Variants in ERC2 observed in about 807,000 individuals in gnomAD.
ERC2 encodes the protein ELKS/RAB6-interacting/CAST family member 2.
Under a neutral mutation model 114.8 loss-of-function variants are expected in ERC2, and 42 were observed. The observed-to-expected ratio is 0.37, with a 90% confidence interval of 0.29 to 0.47. ERC2 has a LOEUF of 0.47. Among genes scored for constraint, ERC2 ranks in the 20% least tolerant of loss-of-function variants. ERC2 has a pLI of 0.99. For missense variants in ERC2, 939 were observed against 1,150.7 expected (o/e 0.82, Z 2.66); for synonymous variants, 454 against 425.5 (o/e 1.07, Z -0.82).
chr3:56,392,219 A>G (rs1419752861), intron 2 of ERC2, among the ~76,000 whole-genome samples: 1 of 152,230 alleles, frequency 6.6e-6, no homozygotes, highest in African/African-American at 2.4e-5. Flanking sequence ...TTGTACGTGA[A>G]TGCTCATATA....
At chr3:55,743,406 T>C (rs868811771) in intron 14 of ERC2, among the ~76,000 whole-genome samples, 13 of 152,148 alleles carry the variant, frequency 8.5e-5, no homozygotes, top group African/African-American at 2.9e-4. Flanking sequence ...TTTTCCCACA[T>C]AGAAAAGGTC....
At chr3:55,627,578 G>C (rs901833137) in intron 17 of ERC2, among the ~76,000 whole-genome samples, 2 of 152,146 alleles carry the variant, frequency 1.3e-5, no homozygotes, top group Non-Finnish European at 2.9e-5. Context: ...AGCCAATATC[G>C]TCACCTTAAT....
intron 6 of ERC2, among the ~76,000 whole-genome samples, chr3:56,133,123 C>T (rs1472946931): frequency 2.0e-5 from 3 of 152,146 alleles, no homozygotes; most frequent in Non-Finnish European, 4.4e-5. Flanking sequence ...AATTATAAAA[C>T]TTGCCACAAA....
chr3:56,260,113 C>T (rs576039612), intron 3 of ERC2, among the ~76,000 whole-genome samples: 57 of 152,326 alleles, frequency 3.7e-4, no homozygotes, highest in Non-Finnish European at 6.9e-4. Flanking sequence ...CCCCACTTCT[C>T]ATTCCACCTT....
intron 6 of ERC2, among the ~76,000 whole-genome samples, chr3:56,112,432 GACACACACACACACAC>G (rs3052551): frequency 2.7e-5 from 4 of 149,164 alleles, no homozygotes; most frequent in South Asian, 4.3e-4. Flanking sequence ...AAGACAGACA[GACACACACACACACAC>G]ACACACACAC....
At chr3:55,787,042 A>T (rs1452389911) in intron 14 of ERC2, among the ~76,000 whole-genome samples, 1 of 152,136 alleles carries the variant, frequency 6.6e-6, no homozygotes, top group Non-Finnish European at 1.5e-5. Context: ...CAGCTTTCCT[A>T]ATTACTATCT....
chr3:55,588,794 C>T (rs1004190980), intron 17 of ERC2, among the ~76,000 whole-genome samples: 6 of 152,142 alleles, frequency 3.9e-5, no homozygotes, highest in African/African-American at 1.4e-4. Flanking sequence ...TGGATCTGGG[C>T]TCCAATGCTT....
chr3:56,081,659 T>G (rs1168698055), intron 6 of ERC2, among the ~76,000 whole-genome samples: 1 of 152,154 alleles, frequency 6.6e-6, no homozygotes, highest in East Asian at 1.9e-4. Flanking sequence ...TTTCAAATGT[T>G]GTTAATAAAA....
chr3:56,075,927 A>T (rs942397635), intron 7 of ERC2, among the ~76,000 whole-genome samples: 1 of 152,146 alleles, frequency 6.6e-6, no homozygotes, highest in East Asian at 1.9e-4. Context: ...ACTATAAAAA[A>T]ATTTTTTTTT....
intron 17 of ERC2, among the ~76,000 whole-genome samples, chr3:55,683,354 T>C (rs1402275124): frequency 1.3e-5 from 2 of 152,198 alleles, no homozygotes; most frequent in Admixed American, 1.3e-4. Context: ...ATTTTCCTTA[T>C]TCCTTGCCAA....
intron 5 of ERC2, among the ~76,000 whole-genome samples, chr3:56,142,398 T>C (rs1343872164): frequency 3.3e-5 from 5 of 152,198 alleles, no homozygotes; most frequent in Admixed American, 6.5e-5. Flanking sequence ...AAGGAACCAA[T>C]TTTGGCTATA....
In ERC2 at chr3:56,435,027, G is replaced by A. The variant is rs1219614934; in HGVS notation, c.-20C>T. 1.3e-6 allele frequency: 2 copies of A among 1,571,526 alleles called. No individual in the cohort carries two copies. Among genetic ancestry groups the A allele is most frequent in the South Asian group, 2.3e-5 (2 of 86,538 alleles). The stretch of plus-strand genomic sequence containing the variant: ...ATACATTTTTCTTGTATTATGAGGT[G>A]TTACTGAAGAGAAGAAATGCTATAT... On this transcript the variant is annotated 5_prime_UTR_variant, in exon 2 of 18. Coordinates refer to ENST00000288221, the MANE Select transcript of ERC2 (RefSeq NM_015576.3).
chr3:55,594,544 C>A (rs1450005520), intron 17 of ERC2, among the ~76,000 whole-genome samples: 2 of 152,018 alleles, frequency 1.3e-5, no homozygotes, highest in Non-Finnish European at 2.9e-5. Context: ...TATAGTGGCG[C>A]GATTTTGACT....
intron 3 of ERC2, among the ~76,000 whole-genome samples, chr3:56,216,163 T>C (rs1223178401): frequency 2.0e-5 from 3 of 152,216 alleles, no homozygotes; most frequent in South Asian, 2.1e-4. Flanking sequence ...CTGAAAGTGA[T>C]AGAGATACAA....
intron 14 of ERC2, among the ~76,000 whole-genome samples, chr3:55,752,074 T>C (rs1271146550): frequency 6.6e-6 from 1 of 152,188 alleles, no homozygotes; most frequent in Non-Finnish European, 1.5e-5. Flanking sequence ...AGAATAACTT[T>C]GTTACAACCT....
chr3:55,898,622 C>T (rs957990021), intron 13 of ERC2, among the ~76,000 whole-genome samples: 3 of 152,046 alleles, frequency 2.0e-5, no homozygotes, highest in African/African-American at 4.8e-5. Context: ...CATGCAACCA[C>T]CCGAGATTGT....
rs1039010377 is a variant in ERC2 at position 56,148,865 on chromosome 3, T to G, written c.1305+112A>C. On this transcript the variant is annotated intron_variant, in intron 5 of 17. Coordinates refer to ENST00000288221, the MANE Select transcript of ERC2 (RefSeq NM_015576.3). ...GCATTCTACTTTGTTGTCCATATAT[T>G]AAATAATATCACATAAAGCATATTA... The G allele has an allele frequency of 1.2e-5, 11 of 946,010 alleles. No individual in the cohort carries two copies. The South Asian group carries it at 1.9e-4, about 16-fold the overall frequency. 58.6% of individuals were successfully genotyped at this position (946,010 alleles called of 1,614,324 possible).
At chr3:56,217,604 C>A (rs1202159578) in intron 3 of ERC2, among the ~76,000 whole-genome samples, 1 of 152,248 alleles carries the variant, frequency 6.6e-6, no homozygotes, top group East Asian at 1.9e-4. Context: ...CATCAAGCTA[C>A]CAATGACTTT....
intron 17 of ERC2, among the ~76,000 whole-genome samples, chr3:55,671,759 G>T (rs1343808884): frequency 6.6e-6 from 1 of 152,174 alleles, no homozygotes; most frequent in Non-Finnish European, 1.5e-5. Context: ...AGTGGTGGTA[G>T]CTCCACCTGC....
Sources: gnomAD v4.1 joint callset for allele counts (sites outside exome capture counted in the v4.1 genomes callset) on GRCh38, gnomAD v4.1.1 for gene constraint, MANE v1.5 for transcripts, NCBI Gene and HGNC (gene_info 2026-07-23, HGNC 2026-07-21) for gene names.